Variants in SCN1B observed in about 807,000 individuals in gnomAD.
SCN1B encodes sodium voltage-gated channel beta subunit 1, also known as sodium channel regulatory subunit beta-1.
Under a neutral mutation model 25.7 loss-of-function variants are expected in SCN1B, and 11 were observed. The ratio of observed to expected loss-of-function variants is 0.43; its 90% CI spans 0.27 to 0.71. SCN1B has a LOEUF of 0.71. Among genes scored for constraint, SCN1B ranks in the 30% least tolerant of loss-of-function variants. The pLI is 0.21. For missense variants in SCN1B, 224 were observed against 291.5 expected (o/e 0.77, Z 1.69); for synonymous variants, 119 against 117.5 (o/e 1.01, Z -0.08).
chr19:35,039,392 G>T (rs1225086151), intron 4 of SCN1B, 134 bp downstream of exon 4: 14 of 1,265,940 alleles, frequency 1.1e-5, no homozygotes, highest in Non-Finnish European at 1.6e-5. Context: ...ACCCAGAGGG[G>T]AGTGCTCCCT....
chr19:35,039,894 A>G lies in SCN1B; in HGVS notation c.*103A>G. ...GGGTGGCCACTCCTGGGCCCCAGAA[A>G]GCCTCAGAGTCCTGCCGACGGAGCC... On this transcript the variant is annotated 3_prime_UTR_variant, in exon 6 of 6. Transcript: ENST00000262631. 1 of 635,500 alleles carries G rather than the reference A, an allele frequency of 1.6e-6. No homozygotes were observed. The highest frequency in any genetic ancestry group is 2.7e-6 in the Non-Finnish European group (1 of 363,866). The allele number at this position is 635,500 out of a possible 1,614,324, so 39.4% of individuals were successfully genotyped here.
chr19:35,034,166 G>T, intron 3 of SCN1B: 1 of 1,548,542 alleles, frequency 6.5e-7, no homozygotes. Context: ...TTCCAGCAGA[G>T]CCTTGCAGGT....
intron 3 of SCN1B, chr19:35,036,401 A>G (rs2064247915): frequency 6.6e-6 from 1 of 152,084 alleles, no homozygotes; most frequent in South Asian, 2.1e-4. Flanking sequence ...ACAATACCAC[A>G]ATATTACTGT....
chr19:35,033,254 G>A (rs1427294257), intron 2 of SCN1B, among the ~76,000 whole-genome samples: 2 of 152,086 alleles, frequency 1.3e-5, no homozygotes, highest in Non-Finnish European at 2.9e-5. Flanking sequence ...TGGGGCTTGG[G>A]AGGATGACTG....
chr19:35,038,735 C>T, intron 3 of SCN1B: 1 of 338,450 alleles, frequency 3.0e-6, no homozygotes, highest in Non-Finnish European at 5.8e-6. Context: ...TTAATTCTCA[C>T]AGCACTCTGA....
Position 35,032,797 on chromosome 19 carries a change from G to T in SCN1B, c.207+103G>T. 7.4e-7 allele frequency: 1 copy of T among 1,350,556 alleles called. No homozygotes were observed. Among genetic ancestry groups the T allele is most frequent in the Non-Finnish European group, 1.0e-6 (1 of 961,584 alleles). The allele number at this position is 1,350,556 out of a possible 1,614,324, so 83.7% of individuals were successfully genotyped here. On this transcript the variant is annotated intron_variant, in intron 2 of 5. Transcript: ENST00000262631. The surrounding 1 kb of genome is among the most constrained non-coding windows in gnomAD (Gnocchi z 4.3). ...GGGCTTATTTGTTTAATAATATGCT[G>T]TGATTGCTGACCTGGATTCAGATTC... is the stretch of plus-strand genomic sequence containing the variant.
At chr19:35,031,010 C>G (rs2064210003) in intron 1 of SCN1B, 150 bp downstream of exon 1, 1 of 172,956 alleles carries the variant, frequency 5.8e-6, no homozygotes, top group Non-Finnish European at 1.2e-5. Context: ...AAGTTGTGCG[C>G]GCGGGAGCCG....
In SCN1B at chr19:35,032,725, G is replaced by T. The variant is rs751992978; in HGVS notation, c.207+31G>T. On this transcript the variant is annotated intron_variant, in intron 2 of 5. Transcript: ENST00000262631. This position sits in a 1 kb window ranked among gnomAD's most constrained non-coding sequence, Gnocchi z 4.3. The stretch of plus-strand genomic sequence containing the variant: ...CGGGTGCCGGGAACGGGCATGGGAG[G>T]GCAGGGGTCCACGAGTGGGAGGCGG... 9.9e-6 allele frequency: 16 copies of T among 1,611,554 alleles called. No individual in the cohort carries two copies. The highest frequency in any genetic ancestry group is 1.3e-5 in the Non-Finnish European group (15 of 1,179,426).
At chr19:35,033,038 G>A (rs374250701) in intron 2 of SCN1B, among the ~76,000 whole-genome samples, 4 of 152,266 alleles carry the variant, frequency 2.6e-5, no homozygotes, top group South Asian at 2.1e-4. Flanking sequence ...TAGTCATTAC[G>A]GAGGGAAGAC....
intron 3 of SCN1B, chr19:35,034,236 GA>G: frequency 1.4e-6 from 2 of 1,441,052 alleles, no homozygotes; most frequent in Non-Finnish European, 1.9e-6. Flanking sequence ...CCTCTGTGGT[GA>G]TGAGGCAAGA....
chr19:35,035,962 G>A (rs916656399), intron 3 of SCN1B: 1 of 150,762 alleles, frequency 6.6e-6, no homozygotes, highest in Non-Finnish European at 1.5e-5. Context: ...TCGAACTCCC[G>A]AAATCCAGCG....
At chr19:35,039,765 T>A (rs1305313246) in intron 5 of SCN1B, 32 bp from the exon 6 acceptor site, 4 of 1,529,350 alleles carry the variant, frequency 2.6e-6, no homozygotes, top group Non-Finnish European at 3.6e-6. Context: ...GTCCCCCAGG[T>A]CCCTAATTCC....
intron 2 of SCN1B, 51 bp from the exon 3 acceptor site, chr19:35,033,448 A>G (rs749017716): frequency 6.2e-7 from 1 of 1,611,148 alleles, no homozygotes; most frequent in South Asian, 1.1e-5. Context: ...GGGTCAGGTA[A>G]GGGAAGAGAG....
rs548632701 is a variant in SCN1B at position 35,040,030 on chromosome 19, C to A, written c.*239C>A. On this transcript the variant is annotated 3_prime_UTR_variant, in exon 6 of 6. Coordinates refer to ENST00000262631, the MANE Select transcript of SCN1B (RefSeq NM_001037.5). ...TGCATGATGGGTAAAGCAATACTGC[C>A]GCTGCCCCCACCCTGCTTCTGCTGC... 2 of 372,982 alleles carry A rather than the reference C, an allele frequency of 5.4e-6. No homozygotes were observed. Among genetic ancestry groups the A allele is most frequent in the Non-Finnish European group, 1.0e-5 (2 of 195,246 alleles). 23.1% of individuals were successfully genotyped at this position (372,982 alleles called of 1,614,324 possible). A position where few individuals can be genotyped will look rare whatever the true frequency, so the allele number is the denominator to read the frequency against.
chr19:35,036,034 A>AT lies in SCN1B; in HGVS notation c.448+2309dup, dbSNP rs61618846. 8.4e-3 allele frequency: 1,189 copies of AT among 142,064 alleles called. 5 individuals are homozygous for AT. Among genetic ancestry groups the AT allele is most frequent in the Non-Finnish European group, 0.012 (764 of 65,030 alleles). The allele number at this position is 142,064 out of a possible 1,614,324, so 8.8% of individuals were successfully genotyped here. Reference sequence around the variant, plus strand: ...CAGGTGTGAGCCACTACGCCCGGCAATTTTTTTTTTTTTTGTAGAGACTGG... The same window carrying AT: ...CAGGTGTGAGCCACTACGCCCGGCAATTTTTTTTTTTTTTTGTAGAGACTGG... On this transcript the variant is annotated intron_variant, in intron 3 of 5. Transcript: ENST00000262631.
Position 35,030,717 on chromosome 19 carries a change from G to T in SCN1B, c.-104G>T, listed in dbSNP as rs2064207580. The T allele has an allele frequency of 5.8e-5, 15 of 260,492 alleles. No homozygotes were observed. The South Asian group carries it at 6.7e-4, about 12-fold the overall frequency. The allele number at this position is 260,492 out of a possible 1,614,324, so 16.1% of individuals were successfully genotyped here. On this transcript the variant is annotated 5_prime_UTR_variant, in exon 1 of 6. Transcript: ENST00000262631. ...TCCCAGAGCCGCAGCTGCTGCGCCC[G>T]CGCGCTCCCGGGGACATTCTAACCG... is the stretch of plus-strand genomic sequence containing the variant.
rs2151745256 is a variant in SCN1B, at chr19:35,030,643, C to G, written c.-178C>G. On this transcript the variant is annotated 5_prime_UTR_variant, in exon 1 of 6. Coordinates refer to ENST00000262631, the MANE Select transcript of SCN1B (RefSeq NM_001037.5). ...CCGGGCCCCGGGGCTGGGCCCCCGG[C>G]GGTAACCGGAGCGGGGGGGCCGCGC... 1 of 167,878 alleles carries G rather than the reference C, an allele frequency of 6.0e-6. No homozygotes were observed. The highest frequency in any genetic ancestry group is 1.2e-5 in the Non-Finnish European group (1 of 80,002). 10.4% of individuals were successfully genotyped at this position (167,878 alleles called of 1,614,324 possible).
chr19:35,039,058 GCA>G (rs2064265794), intron 3 of SCN1B, 57 bp from the exon 4 acceptor site: 23 of 1,604,760 alleles, frequency 1.4e-5, no homozygotes, highest in Non-Finnish European at 1.9e-5. Flanking sequence ...CAAGCTCACA[GCA>G]CACTCAGGCT....
chr19:35,030,884 G>C, intron 1 of SCN1B, 24 bp downstream of exon 1: 1 of 565,656 alleles, frequency 1.8e-6, no homozygotes, highest in Non-Finnish European at 2.4e-6. Flanking sequence ...GGGCGCGCGC[G>C]GCCGGGGGGC....
Sources: allele counts gnomAD v4.1 joint callset (sites outside exome capture counted in the v4.1 genomes callset), GRCh38; gene constraint gnomAD v4.1.1; non-coding constraint Gnocchi (gnomAD v3.1); transcripts MANE v1.5; gene names NCBI Gene and HGNC (gene_info 2026-07-23, HGNC 2026-07-21).